NCKAP1: variants seen among roughly 807,000 people sequenced by gnomAD.
NCKAP1 encodes the protein nck-associated protein 1.
NCKAP1 carries 21 observed loss-of-function variants against 151.2 expected under a neutral mutation model. The ratio of observed to expected loss-of-function variants is 0.14; its 90% CI spans 0.10 to 0.20. The LOEUF is 0.20. NCKAP1 is among the 10% of genes least tolerant of loss of function. NCKAP1 has a pLI of 1.00. For missense variants in NCKAP1, 933 were observed against 1,352.1 expected (o/e 0.69, Z 4.86); for synonymous variants, 484 against 451.8 (o/e 1.07, Z -0.90).
chr2:182,937,681 T>C (rs1315406350), intron 24 of NCKAP1, among the ~76,000 whole-genome samples: 1 of 152,100 alleles, frequency 6.6e-6, no homozygotes, highest in African/African-American at 2.4e-5. Flanking sequence ...AAAAAATTAA[T>C]GTAGCATAGG....
At chr2:183,008,647 T>G (rs888051987) in intron 2 of NCKAP1, among the ~76,000 whole-genome samples, 4 of 152,220 alleles carry the variant, frequency 2.6e-5, no homozygotes, top group African/African-American at 9.6e-5. Context: ...GCTTACTCCC[T>G]CACCTCACTT....
chr2:182,966,879 G>A (rs1180002101), intron 16 of NCKAP1, among the ~76,000 whole-genome samples: 1 of 152,006 alleles, frequency 6.6e-6, no homozygotes, highest in Non-Finnish European at 1.5e-5. Flanking sequence ...TGCTCTATTT[G>A]ACCTTGATCT....
Position 182,911,785 on chromosome 2 carries a change from C to T in NCKAP1, c.*13917G>A, listed in dbSNP as rs1696400276. 1 of 151,638 alleles carries T rather than the reference C, an allele frequency of 6.6e-6. No individual in the cohort carries two copies. The highest frequency in any genetic ancestry group is 6.6e-5 in the Admixed American group (1 of 15,212). The allele number at this position is 151,638 out of a possible 1,614,324, so 9.4% of individuals were successfully genotyped here. A position where few individuals can be genotyped will look rare whatever the true frequency, so the allele number is the denominator to read the frequency against. ...CAGAACCGCTTTTGGAGAAACTTGC[C>T]CTTATATACTCTCTTATAATTGCCT... On this transcript the variant is annotated 3_prime_UTR_variant, in exon 31 of 31. Transcript: ENST00000361354.
At chr2:182,958,079 T>C (rs1319023872) in intron 18 of NCKAP1, among the ~76,000 whole-genome samples, 1 of 152,214 alleles carries the variant, frequency 6.6e-6, no homozygotes, top group Middle Eastern at 3.2e-3. Context: ...AGAGGTTGGA[T>C]TGTAAACTGC....
rs1350823020 is a variant in NCKAP1 at position 183,001,958 on chromosome 2, T to A, written c.598A>T (p.Ser200Cys). ...KKMMEEFVPH[S>C]KSLSDALISL... ...GCCTAACAACTGCCTCTTACCTTGC[T>A]ATGGGGTACAAATTCTTCCATCATC... The change falls in exon 6 of 31, where the codon AGC (serine) becomes TGC (cysteine). Residue 200 changes from serine to cysteine, a missense_variant. By Grantham distance (112) the Ser-to-Cys change is moderately radical (BLOSUM62 -1). This residue lies in a region of NCKAP1 where 607 missense variants were observed against 795.0 expected (regional missense o/e 0.76). Coordinates refer to ENST00000361354, the MANE Select transcript of NCKAP1 (RefSeq NM_013436.5). The A allele has an allele frequency of 5.6e-6, 9 of 1,612,560 alleles. No individual in the cohort carries two copies. The Admixed American group carries it at 1.5e-4, about 27-fold the overall frequency.
chr2:182,977,433 T>A (rs895481539), intron 14 of NCKAP1, among the ~76,000 whole-genome samples: 4 of 152,128 alleles, frequency 2.6e-5, no homozygotes, highest in Admixed American at 2.0e-4. Flanking sequence ...GAGGTTACAG[T>A]AAGCCGAGAT....
rs748572663 is a variant in NCKAP1, at chr2:183,038,079, C to T, written c.21G>A (p.Gln7=). 110 of 1,580,670 alleles carry T rather than the reference C, an allele frequency of 7.0e-5. No homozygotes were observed. The Admixed American group carries it at 1.7e-3, about 25-fold the overall frequency. The change falls in exon 1 of 31, where the codon CAG becomes CAA. Residue 7 remains glutamine (Q), a synonymous_variant. Coordinates refer to ENST00000361354, the MANE Select transcript of NCKAP1 (RefSeq NM_013436.5). The stretch of plus-strand genomic sequence containing the variant: ...TCTCCGCCAGCTTCTGCTGACTGGG[C>T]TGCAGCACTGAGCGCGACATGGTGG... MSRSVL[Q]PSQQKLAEKL...
rs1338211799 is a variant in NCKAP1, at chr2:182,915,526, T to C, written c.*10176A>G. The C allele has an allele frequency of 6.6e-6, 1 of 152,226 alleles. No individual in the cohort carries two copies. Among genetic ancestry groups the C allele is most frequent in the Non-Finnish European group, 1.5e-5 (1 of 68,052 alleles). 9.4% of individuals were successfully genotyped at this position (152,226 alleles called of 1,614,324 possible). ...AGGCATTCATTCTCCAAGGGTGTTC[T>C]ATGAGCCTTATTGGTCCTCCCTGTA... On this transcript the variant is annotated 3_prime_UTR_variant, in exon 31 of 31. Coordinates refer to ENST00000361354, the MANE Select transcript of NCKAP1 (RefSeq NM_013436.5).
At position 182,909,891 on chromosome 2, in the gene NCKAP1, T is replaced by C. The variant is rs751904940; in HGVS notation, c.*15811A>G. On this transcript the variant is annotated 3_prime_UTR_variant, in exon 31 of 31. Transcript: ENST00000361354. ...GCCACCGATTTAGATAAGGGCCAAATAGCCTCCTGATCCAAGGCCACAAAT... is the reference window on the plus strand; with the variant it reads ...GCCACCGATTTAGATAAGGGCCAAACAGCCTCCTGATCCAAGGCCACAAAT... The C allele has an allele frequency of 6.6e-6, 1 of 152,180 alleles. No individual in the cohort carries two copies. The highest frequency in any genetic ancestry group is 1.5e-5 in the Non-Finnish European group (1 of 68,038). The allele number at this position is 152,180 out of a possible 1,614,324, so 9.4% of individuals were successfully genotyped here. A position where few individuals can be genotyped will look rare whatever the true frequency, so the allele number is the denominator to read the frequency against.
intron 2 of NCKAP1, among the ~76,000 whole-genome samples, chr2:183,021,223 A>G (rs1698792026): frequency 6.6e-6 from 1 of 152,242 alleles, no homozygotes; most frequent in Non-Finnish European, 1.5e-5. Flanking sequence ...ATAGGCAAAA[A>G]AGTAGAAACA....
At chr2:182,972,245 AC>A (rs372983376) in intron 15 of NCKAP1, among the ~76,000 whole-genome samples, 7,377 of 110,810 alleles carry the variant, frequency 0.067, 287 homozygotes, top group Non-Finnish European at 0.11. Flanking sequence ...AAAAAAAAAA[AC>A]AAAACTGATT....
chr2:182,986,424 A>G (rs1362446914), intron 9 of NCKAP1, among the ~76,000 whole-genome samples, 197 bp from the exon 10 acceptor site: 2 of 152,128 alleles, frequency 1.3e-5, no homozygotes, highest in Non-Finnish European at 2.9e-5. Context: ...TAAAAAAAAA[A>G]GTAACATTAT....
At chr2:182,958,788 G>A (rs1200000456) in intron 18 of NCKAP1, among the ~76,000 whole-genome samples, 1 of 152,152 alleles carries the variant, frequency 6.6e-6, no homozygotes, top group Non-Finnish European at 1.5e-5. Context: ...GCAGGCAAAT[G>A]AGAAATAAGA....
intron 10 of NCKAP1, among the ~76,000 whole-genome samples, chr2:182,984,163 A>G (rs1698000438): frequency 6.6e-6 from 1 of 152,202 alleles, no homozygotes; most frequent in Admixed American, 6.5e-5. Context: ...TTCCTATTAA[A>G]TATACAAAAC....
At chr2:182,936,209 C>CCA (rs1424648200) in intron 24 of NCKAP1, among the ~76,000 whole-genome samples, 3 of 152,002 alleles carry the variant, frequency 2.0e-5, no homozygotes, top group Non-Finnish European at 4.4e-5. Flanking sequence ...AGTGATCATG[C>CCA]CACTGCACAT....
chr2:182,953,087 T>C, intron 21 of NCKAP1, 26 bp downstream of exon 21: 3 of 1,566,716 alleles, frequency 1.9e-6, no homozygotes, highest in African/African-American at 1.4e-5. Context: ...TTTCCGCTAC[T>C]ACAAATTTCT....
At chr2:182,974,046 C>G (rs1373553334) in intron 15 of NCKAP1, among the ~76,000 whole-genome samples, 1 of 152,034 alleles carries the variant, frequency 6.6e-6, no homozygotes, top group East Asian at 1.9e-4. Context: ...TTATATAATA[C>G]TGCTCAGTAT....
chr2:182,928,931 G>A, intron 27 of NCKAP1, 32 bp from the exon 28 acceptor site: 1 of 1,376,638 alleles, frequency 7.3e-7, no homozygotes, highest in South Asian at 1.2e-5. Flanking sequence ...TAAAATCAAG[G>A]TATTTCTTCA....
chr2:183,001,834 C>T (rs1698380258), intron 6 of NCKAP1, 119 bp downstream of exon 6: 4 of 778,300 alleles, frequency 5.1e-6, no homozygotes, highest in South Asian at 1.8e-5. Flanking sequence ...GCACACATAA[C>T]TATTACTTAT....
Sources: allele counts gnomAD v4.1 joint callset (sites outside exome capture counted in the v4.1 genomes callset), GRCh38; gene constraint gnomAD v4.1.1; regional missense constraint gnomAD v4.1.1; transcripts MANE v1.5; gene names NCBI Gene and HGNC (gene_info 2026-07-23, HGNC 2026-07-21).